PLCL1: variants seen among roughly 807,000 people sequenced by gnomAD.
The protein encoded by PLCL1 is inactive phospholipase C-like protein 1.
A neutral mutation model predicts 84.4 loss-of-function variants in PLCL1; 41 were observed. That is an observed-to-expected ratio of 0.49 (90% CI 0.38 to 0.63). PLCL1 has a LOEUF of 0.63. Among genes scored for constraint, PLCL1 ranks in the 30% least tolerant of loss-of-function variants. PLCL1 has a pLI of 0.00. For missense variants in PLCL1, 1,206 were observed against 1,367.8 expected, an observed-to-expected ratio of 0.88 and a Z score of 1.87; for synonymous variants, 490 against 488.3, an observed-to-expected ratio of 1.00 and a Z score of -0.05.
intron 1 of PLCL1, among the ~76,000 whole-genome samples, chr2:197,882,620 A>G (rs973771501): frequency 2.6e-5 from 4 of 152,158 alleles, no homozygotes; most frequent in African/African-American, 7.2e-5. Flanking sequence ...CTTTGGATGT[A>G]TTACTCCCAA....
intron 1 of PLCL1, among the ~76,000 whole-genome samples, chr2:197,932,789 G>T (rs1183682334): frequency 6.6e-6 from 1 of 152,164 alleles, no homozygotes; most frequent in Admixed American, 6.6e-5. Context: ...CAGTAAATTG[G>T]TATTAAAGCA....
chr2:197,984,856 G>A (rs986750746), intron 1 of PLCL1, among the ~76,000 whole-genome samples: 1 of 151,916 alleles, frequency 6.6e-6, no homozygotes, highest in Admixed American at 6.6e-5. Flanking sequence ...GATAGTGAAT[G>A]GAATTTAGCC....
intron 5 of PLCL1, among the ~76,000 whole-genome samples, chr2:198,129,121 C>A (rs1694060392): frequency 6.6e-6 from 1 of 152,252 alleles, no homozygotes; most frequent in East Asian, 1.9e-4. Flanking sequence ...AAATATATTT[C>A]TTTGACATAT....
chr2:198,101,460 C>G (rs1259301608), intron 4 of PLCL1, 100 bp downstream of exon 4: 4 of 660,664 alleles, frequency 6.1e-6, no homozygotes, highest in African/African-American at 3.7e-5. Flanking sequence ...TTCTGCTTCT[C>G]TTAAAATGCA....
chr2:197,819,810 C>T (rs1196856058), intron 1 of PLCL1, among the ~76,000 whole-genome samples: 1 of 151,844 alleles, frequency 6.6e-6, no homozygotes, highest in Non-Finnish European at 1.5e-5. Flanking sequence ...ATTCTTACAA[C>T]AGTCTGGGAA....
intron 1 of PLCL1, among the ~76,000 whole-genome samples, chr2:198,001,595 C>T (rs947271546): frequency 1.3e-5 from 2 of 152,104 alleles, no homozygotes; most frequent in African/African-American, 4.8e-5. Flanking sequence ...TCTTTGACTC[C>T]TATTATGTTT....
intron 1 of PLCL1, among the ~76,000 whole-genome samples, chr2:197,998,599 A>G (rs1220749095): frequency 2.6e-5 from 4 of 152,198 alleles, no homozygotes; most frequent in Admixed American, 2.0e-4. Context: ...ATTAGGACTG[A>G]TGACGCTGCA....
intron 1 of PLCL1, among the ~76,000 whole-genome samples, chr2:197,958,737 C>G (rs1258013609): frequency 1.3e-5 from 2 of 151,848 alleles, no homozygotes; most frequent in Admixed American, 1.3e-4. Flanking sequence ...AATATTTACA[C>G]CCTTACCTCA....
At chr2:198,005,703 A>G (rs1406543569) in intron 1 of PLCL1, among the ~76,000 whole-genome samples, 1 of 152,148 alleles carries the variant, frequency 6.6e-6, no homozygotes, top group Admixed American at 6.5e-5. Flanking sequence ...GAAGGCTGAG[A>G]CTGGTTAACT....
In PLCL1 at chr2:198,146,753, T is replaced by C. The variant is rs1180082189; in HGVS notation, c.3106-27T>C. ...CATGCCTGGCCCATAACTGTCTTCT[T>C]TGATGCCTGTTTTTTTCTGTTTGTA... On this transcript the variant is annotated intron_variant, in intron 5 of 5. Transcript: ENST00000428675. The C allele has an allele frequency of 2.5e-6, 4 of 1,595,304 alleles. No homozygotes were observed. The East Asian group carries it at 6.7e-5, about 27-fold the overall frequency.
intron 1 of PLCL1, among the ~76,000 whole-genome samples, chr2:197,899,898 G>A (rs1031358704): frequency 4.6e-5 from 7 of 152,076 alleles, no homozygotes; most frequent in Non-Finnish European, 8.8e-5. Context: ...GCCTCCCAAA[G>A]TGCTGGGATT....
At position 197,805,371 on chromosome 2, in the gene PLCL1, G is replaced by A; in HGVS notation, c.240+32G>A. ...AAAGCCGCGCCGCACCGGGAGCGTG[G>A]CTGTGGGTGATGGGTGGGTCAGGGA... On this transcript the variant is annotated intron_variant, in intron 1 of 5. Transcript: ENST00000428675. The surrounding 1 kb of genome is among the most constrained non-coding windows in gnomAD (Gnocchi z 4.0). The A allele has an allele frequency of 7.5e-7, 1 of 1,335,540 alleles. No homozygotes were observed. Among genetic ancestry groups the A allele is most frequent in the South Asian group, 2.1e-5 (1 of 47,668 alleles). 82.7% of individuals were successfully genotyped at this position (1,335,540 alleles called of 1,614,324 possible). A position where few individuals can be genotyped will look rare whatever the true frequency, so the allele number is the denominator to read the frequency against.
intron 1 of PLCL1, among the ~76,000 whole-genome samples, chr2:197,830,555 C>T (rs1020779789): frequency 3.0e-4 from 45 of 151,962 alleles, no homozygotes; most frequent in African/African-American, 1.1e-3. Context: ...ATTGGTGTAC[C>T]TGAAAGAGAT....
chr2:198,135,361 T>G (rs1694231267), intron 5 of PLCL1, among the ~76,000 whole-genome samples: 1 of 152,206 alleles, frequency 6.6e-6, no homozygotes, highest in Admixed American at 6.6e-5. Context: ...TGCTAAAGAT[T>G]GACATTAATA....
At chr2:197,821,484 CT>C (rs1298722456) in intron 1 of PLCL1, among the ~76,000 whole-genome samples, 1 of 152,160 alleles carries the variant, frequency 6.6e-6, no homozygotes, top group African/African-American at 2.4e-5. Flanking sequence ...GTAGGTGTCT[CT>C]GCTCCGTAAA....
At chr2:198,143,004 C>T (rs988456728) in intron 5 of PLCL1, among the ~76,000 whole-genome samples, 3 of 151,998 alleles carry the variant, frequency 2.0e-5, no homozygotes, top group Non-Finnish European at 4.4e-5. Context: ...TTCTATATCA[C>T]CAAATAAAAT....
chr2:198,037,489 C>T (rs1292827933), intron 1 of PLCL1, among the ~76,000 whole-genome samples: 2 of 152,280 alleles, frequency 1.3e-5, no homozygotes, highest in East Asian at 1.9e-4. Context: ...TTTTCCATCG[C>T]ACTCTTGAAA....
intron 1 of PLCL1, among the ~76,000 whole-genome samples, chr2:197,855,270 C>T (rs1360914512): frequency 6.6e-6 from 1 of 152,188 alleles, no homozygotes; most frequent in Admixed American, 6.5e-5. Flanking sequence ...TCCCACTCTT[C>T]ATTTTAGCTT....
intron 1 of PLCL1, among the ~76,000 whole-genome samples, chr2:197,878,092 C>G (rs1687770413): frequency 6.6e-6 from 1 of 152,092 alleles, no homozygotes; most frequent in Non-Finnish European, 1.5e-5. Context: ...TCTGGGAATG[C>G]AATAAAATGG....
Sources: gnomAD v4.1 joint callset for allele counts (sites outside exome capture counted in the v4.1 genomes callset) on GRCh38, gnomAD v4.1.1 for gene constraint, Gnocchi (gnomAD v3.1) non-coding constraint, MANE v1.5 for transcripts, NCBI Gene and HGNC (gene_info 2026-07-23, HGNC 2026-07-21) for gene names.